Variants in LCA5 observed in about 807,000 individuals in gnomAD.
LCA5 encodes lebercilin.
LCA5 carries 37 observed loss-of-function variants against 53.0 expected under a neutral mutation model. The observed-to-expected ratio is 0.70, with a 90% CI of 0.54 to 0.92. LCA5 has a LOEUF of 0.92. Ranked by LOEUF, LCA5 falls within the 40% of genes least tolerant of loss-of-function variation. The pLI, the probability that LCA5 is intolerant of heterozygous loss-of-function variation, is 0.00. For missense variants in LCA5, 806 were observed against 790.5 expected, an observed-to-expected ratio of 1.02 and a Z score of -0.23; for synonymous variants, 303 against 282.9, an observed-to-expected ratio of 1.07 and a Z score of -0.71.
Position 79,529,667 on chromosome 6 carries a change from C to T in LCA5, c.-192+7498G>A, listed in dbSNP as rs141080994. ...GACACATGCACTCATATGTTTATTG[C>T]GGCACTACTCACAATAGCAAAGACT... On this transcript the variant is annotated intron_variant, in intron 1 of 7. Coordinates refer to ENST00000369846, the MANE Select transcript of LCA5 (RefSeq NM_001122769.3). Among the ~76,000 whole-genome samples, 180 of 151,982 alleles carry T rather than the reference C, an allele frequency of 1.2e-3. 1 individual carries two copies. Among genetic ancestry groups the T allele is most frequent in the African/African-American group, 3.9e-3 (162 of 41,432 alleles).
At position 79,513,165 on chromosome 6, in the gene LCA5, T is replaced by C. The variant is rs746742403; in HGVS notation, c.720+47A>G. The C allele has an allele frequency of 2.8e-5, 44 of 1,559,672 alleles. 1 individual carries two copies. In the South Asian group the frequency reaches 4.2e-4, roughly 15 times the overall value. On this transcript the variant is annotated intron_variant, in intron 3 of 7. Coordinates refer to ENST00000369846, the MANE Select transcript of LCA5 (RefSeq NM_001122769.3). ...TTAAGAGAGCACATTAAATGCCCAATGAGAAACATCCCAAGAAAGTACAAT... is the reference window on the plus strand; with the variant it reads ...TTAAGAGAGCACATTAAATGCCCAACGAGAAACATCCCAAGAAAGTACAAT...
chr6:79,490,698 CTAGA>C (rs1769813526), intron 6 of LCA5, among the ~76,000 whole-genome samples: 1 of 151,972 alleles, frequency 6.6e-6, no homozygotes, highest in African/African-American at 2.4e-5. Context: ...AAATAAAAAA[CTAGA>C]ATATACACAG....
Position 79,497,379 on chromosome 6 carries a change from G to A in LCA5, c.721-3629C>T, listed in dbSNP as rs377032363. 5.9e-5 allele frequency among the ~76,000 whole-genome samples: 9 copies of A among 152,240 alleles called. No homozygotes were observed. The East Asian group carries it at 1.4e-3, about 23-fold the overall frequency. On this transcript the variant is annotated intron_variant, in intron 3 of 7. Transcript: ENST00000369846. Reference sequence around the variant, plus strand: ...TTAACATTACTAATGAAGGTCAGGCGACATCATGTGGCTCCAGATGTGATA... The same window carrying A: ...TTAACATTACTAATGAAGGTCAGGCAACATCATGTGGCTCCAGATGTGATA...
intron 3 of LCA5, among the ~76,000 whole-genome samples, chr6:79,502,172 CT>C (rs1770158456): frequency 6.6e-6 from 1 of 152,112 alleles, no homozygotes; most frequent in Non-Finnish European, 1.5e-5. Flanking sequence ...CTTCCTAACT[CT>C]CCAAAGTACA....
At position 79,513,203 on chromosome 6, in the gene LCA5, A is replaced by T; in HGVS notation, c.720+9T>A. On this transcript the variant is annotated intron_variant, in intron 3 of 7. Coordinates refer to ENST00000369846, the MANE Select transcript of LCA5 (RefSeq NM_001122769.3). ...AAGAAAGTACAATTAGAAGCTGTAG[A>T]AATTGTACCTTAATTCTTCTCTCGG... 6.2e-7 allele frequency: 1 copy of T among 1,609,238 alleles called. No individual in the cohort carries two copies. The highest frequency in any genetic ancestry group is 2.2e-5 in the East Asian group (1 of 44,798).
intron 2 of LCA5, among the ~76,000 whole-genome samples, chr6:79,514,397 G>T (rs1486818044): frequency 6.6e-6 from 1 of 152,000 alleles, no homozygotes; most frequent in Non-Finnish European, 1.5e-5. Flanking sequence ...AAAAAGGATC[G>T]CATATACACT....
chr6:79,526,457 T>C lies in LCA5; in HGVS notation c.-191-7372A>G, dbSNP rs190438884. ...TACTTGGGAGGCTGAGGCAGGAGAA[T>C]GGCGTGAACCCAGGAGGCAGAGGTT... On this transcript the variant is annotated intron_variant, in intron 1 of 7. Coordinates refer to ENST00000369846, the MANE Select transcript of LCA5 (RefSeq NM_001122769.3). Among the ~76,000 whole-genome samples, 1,288 of 152,194 alleles carry C rather than the reference T, an allele frequency of 8.5e-3. 23 individuals carry two copies. Among genetic ancestry groups the C allele is most frequent in the African/African-American group, 0.03 (1,230 of 41,516 alleles).
At chr6:79,502,132 G>A (rs1432849704) in intron 3 of LCA5, among the ~76,000 whole-genome samples, 1 of 152,062 alleles carries the variant, frequency 6.6e-6, no homozygotes, top group African/African-American at 2.4e-5. Flanking sequence ...ACTGGTATTT[G>A]CCTTTTTTCA....
intron 1 of LCA5, among the ~76,000 whole-genome samples, chr6:79,520,528 T>C (rs930048691): frequency 1.4e-4 from 22 of 152,152 alleles, no homozygotes; most frequent in African/African-American, 4.8e-4. Flanking sequence ...CACAACAAAA[T>C]TGGATTACTT....
At chr6:79,537,683 G>T (rs571812119), upstream of LCA5, among the ~76,000 whole-genome samples, 4 of 152,230 alleles carry the variant, frequency 2.6e-5, no homozygotes, top group South Asian at 6.2e-4. Context: ...AGCGTCGTGG[G>T]CTCCGAGAGG....
intron 1 of LCA5, 114 bp downstream of exon 1, chr6:79,537,051 C>G (rs746262578): frequency 6.5e-6 from 1 of 152,896 alleles, no homozygotes. Flanking sequence ...CTTTAAGAAC[C>G]ACCCGCAGGC....
At chr6:79,502,114 C>T (rs907015134) in intron 3 of LCA5, among the ~76,000 whole-genome samples, 1 of 152,136 alleles carries the variant, frequency 6.6e-6, no homozygotes, top group East Asian at 1.9e-4. Flanking sequence ...CTGTTTACCT[C>T]GGAAAACACT....
rs540321429 is a variant in LCA5 at position 79,527,105 on chromosome 6, A to G, written c.-191-8020T>C. Among the ~76,000 whole-genome samples the G allele has an allele frequency of 5.3e-5, 8 of 152,212 alleles. No individual in the cohort carries two copies. The South Asian group carries it at 1.2e-3, about 24-fold the overall frequency. ...TTGGAAAGAAGACAAGCTCCACCCA[A>G]GCTGGGAAGGACCCTCAAGTGCTCC... On this transcript the variant is annotated intron_variant, in intron 1 of 7. Coordinates refer to ENST00000369846, the MANE Select transcript of LCA5 (RefSeq NM_001122769.3).
intron 2 of LCA5, among the ~76,000 whole-genome samples, chr6:79,516,746 T>G (rs570865692): frequency 6.6e-6 from 1 of 152,062 alleles, no homozygotes; most frequent in Non-Finnish European, 1.5e-5. Context: ...CTCTCCTTCT[T>G]AAGTCACTCC....
chr6:79,492,560 T>C lies in LCA5; in HGVS notation c.946A>G (p.Arg316Gly). Residue 316 changes from arginine (R) to glycine (G), a missense_variant, in exon 5 of 8, where the codon AGA becomes GGA. Physicochemically the swap from Arg to Gly is moderately radical, Grantham distance 125. Transcript: ENST00000369846. ...ATCATATTTACCATACCATTTTTTC[T>C]TAATGCAAGTTCTTTCTCTTTATTT... The part of the protein sequence containing the change: ...SPNKEKELAL[R>G]KNAACQSDFA... 6.7e-7 allele frequency: 1 copy of C among 1,503,374 alleles called. No individual in the cohort carries two copies. The highest frequency in any genetic ancestry group is 9.2e-7 in the Non-Finnish European group (1 of 1,087,722). 93.1% of individuals were successfully genotyped at this position (1,503,374 alleles called of 1,614,324 possible). A position where few individuals can be genotyped will look rare whatever the true frequency, so the allele number is the denominator to read the frequency against.
At chr6:79,500,199 T>G (rs915114663) in intron 3 of LCA5, among the ~76,000 whole-genome samples, 2 of 152,150 alleles carry the variant, frequency 1.3e-5, no homozygotes, top group Non-Finnish European at 2.9e-5. Flanking sequence ...TACAGTCCTT[T>G]GGGTAATTTT....
At chr6:79,519,747 A>T (rs901991795) in intron 1 of LCA5, among the ~76,000 whole-genome samples, 17 of 151,720 alleles carry the variant, frequency 1.1e-4, no homozygotes, top group African/African-American at 4.1e-4. Context: ...TAAAGAATAA[A>T]AATATCCAAG....
chr6:79,513,100 T>C (rs1305236414), intron 3 of LCA5, 112 bp downstream of exon 3: 4 of 1,071,078 alleles, frequency 3.7e-6, no homozygotes, highest in Admixed American at 3.7e-5. Flanking sequence ...CTAAAAATAG[T>C]TTTCATTTCC....
chr6:79,489,119 T>C lies in LCA5; in HGVS notation c.1196A>G (p.His399Arg), dbSNP rs1442728348. 1.2e-6 allele frequency: 2 copies of C among 1,613,348 alleles called. No homozygotes were observed. The highest frequency in any genetic ancestry group is 8.5e-7 in the Non-Finnish European group (1 of 1,179,768). The change falls in exon 7 of 8, where the codon CAT (histidine) becomes CGT (arginine). Residue 399 changes from histidine (H) to arginine (R), a missense_variant. By Grantham distance (29) the His-to-Arg change is conservative (BLOSUM62 0). Transcript: ENST00000369846. ...CTTTTCAACCTCCTGTTTTACGACATGGAGTTCTTCATCTGTAACAAATTT... is the reference window on the plus strand; with the variant it reads ...CTTTTCAACCTCCTGTTTTACGACACGGAGTTCTTCATCTGTAACAAATTT... ...EEKFVTDEEL[H>R]VVKQEVEKLE...
Sources: allele counts gnomAD v4.1 joint callset (sites outside exome capture counted in the v4.1 genomes callset), GRCh38; gene constraint gnomAD v4.1.1; transcripts MANE v1.5; gene names NCBI Gene and HGNC (gene_info 2026-07-23, HGNC 2026-07-21).